CAPS2: variants seen among roughly 807,000 people sequenced by gnomAD.
CAPS2 encodes the protein calcyphosin-2.
A neutral mutation model predicts 86.5 loss-of-function variants in CAPS2; 98 were observed. The ratio of observed to expected loss-of-function variants is 1.13; its 90% CI spans 0.96 to 1.34. The LOEUF (loss-of-function observed/expected upper bound fraction) is 1.34, where lower values mean the gene tolerates loss of function less well. Among genes scored for constraint, CAPS2 ranks in the 40% most tolerant of loss-of-function variants. The pLI is 0.00. For synonymous variants in CAPS2, 210 were observed against 225.1 expected, an observed-to-expected ratio of 0.93 and a Z score of 0.60; for missense variants, 729 against 686.8, an observed-to-expected ratio of 1.06 and a Z score of -0.69.
chr12:75,389,870 CTG>C (rs2045485690), intron 1 of CAPS2, among the ~76,000 whole-genome samples: 1 of 152,180 alleles, frequency 6.6e-6, no homozygotes. Context: ...AAAGCTGGAT[CTG>C]TGTCTTGTCT....
intron 1 of CAPS2, among the ~76,000 whole-genome samples, chr12:75,336,277 A>G (rs2041733031): frequency 6.6e-6 from 1 of 151,900 alleles, no homozygotes; most frequent in African/African-American, 2.4e-5. Flanking sequence ...GGAAAACAGG[A>G]ACAAGGAACA....
Position 75,309,830 on chromosome 12 carries a change from C to T in CAPS2, c.659+3018G>A, listed in dbSNP as rs144744540. On this transcript the variant is annotated intron_variant, in intron 7 of 16. Transcript: ENST00000393284. ...GCTGGCATTTATAAAAAAGTGGCAC[C>T]TATTCTATTCTCACACTTTATTTAT... 2.0e-3 allele frequency among the ~76,000 whole-genome samples: 301 copies of T among 152,224 alleles called. 1 individual carries two copies. Among genetic ancestry groups the T allele is most frequent in the African/African-American group, 6.9e-3 (287 of 41,536 alleles).
chr12:75,354,025 TG>T (rs981370102), intron 1 of CAPS2, among the ~76,000 whole-genome samples: 1 of 152,070 alleles, frequency 6.6e-6, no homozygotes, highest in Admixed American at 6.6e-5. Context: ...GAGAAACCCA[TG>T]GCCAATGTCA....
intron 7 of CAPS2, chr12:75,306,072 C>G (rs894441370): frequency 6.8e-7 from 1 of 1,469,704 alleles, no homozygotes; most frequent in African/African-American, 1.4e-5. Flanking sequence ...GAACGTGCTG[C>G]GCGTCCTGGG....
At chr12:75,324,059 A>G (rs1481493990) in intron 2 of CAPS2, among the ~76,000 whole-genome samples, 1 of 152,250 alleles carries the variant, frequency 6.6e-6, no homozygotes, top group African/African-American at 2.4e-5. Flanking sequence ...TCAACCTAAA[A>G]TTATATCATG....
chr12:75,358,596 C>T (rs1383216254), intron 1 of CAPS2, among the ~76,000 whole-genome samples: 1 of 150,340 alleles, frequency 6.7e-6, no homozygotes, highest in African/African-American at 2.4e-5. Flanking sequence ...TAACATTATG[C>T]CTAATAGTAA....
exon 17 of CAPS2, chr12:75,277,460 A>G: frequency 1.8e-5 from 17 of 922,294 alleles, no homozygotes; most frequent in Non-Finnish European, 2.2e-5. Context: ...AGTGTTATAG[A>G]CTTATTTCTG....
intron 2 of CAPS2, among the ~76,000 whole-genome samples, chr12:75,324,008 A>C (rs764778973): frequency 1.6e-4 from 25 of 152,216 alleles, no homozygotes; most frequent in Non-Finnish European, 3.1e-4. Flanking sequence ...TTCATTTCTG[A>C]AACTTTAACA....
At chr12:75,355,468 A>G (rs916059290) in intron 1 of CAPS2, among the ~76,000 whole-genome samples, 1 of 152,126 alleles carries the variant, frequency 6.6e-6, no homozygotes, top group Non-Finnish European at 1.5e-5. Flanking sequence ...AAGTCCAGAA[A>G]CAACAGATGC....
At chr12:75,277,200 A>G, downstream of CAPS2, 2 of 940,440 alleles carry the variant, frequency 2.1e-6, no homozygotes, top group Non-Finnish European at 2.5e-6. Context: ...ACATTCCAAA[A>G]GTAGCTTCCC....
upstream of CAPS2, among the ~76,000 whole-genome samples, chr12:75,331,141 A>G (rs2041271496): frequency 6.6e-6 from 1 of 152,112 alleles, no homozygotes; most frequent in African/African-American, 2.4e-5. Flanking sequence ...CCTCATCTAT[A>G]AAGGGAAAAA....
chr12:75,292,180 C>T (rs1386587969), intron 12 of CAPS2, among the ~76,000 whole-genome samples: 1 of 152,054 alleles, frequency 6.6e-6, no homozygotes, highest in Non-Finnish European at 1.5e-5. Context: ...GATTCTCTCA[C>T]CTTAGCCTTG....
chr12:75,309,079 G>A (rs753857632), intron 7 of CAPS2, among the ~76,000 whole-genome samples: 12 of 151,982 alleles, frequency 7.9e-5, no homozygotes, highest in Admixed American at 4.6e-4. Flanking sequence ...TGCATATCAC[G>A]CATGTACTTA....
At chr12:75,311,750 A>G (rs1256547685) in intron 7 of CAPS2, among the ~76,000 whole-genome samples, 2 of 141,732 alleles carry the variant, frequency 1.4e-5, no homozygotes, top group Non-Finnish European at 3.1e-5. Context: ...AACCTGCCTC[A>G]AAGAAAATAA....
intron 1 of CAPS2, among the ~76,000 whole-genome samples, chr12:75,365,864 A>C (rs1241110164): frequency 6.6e-6 from 1 of 152,144 alleles, no homozygotes; most frequent in East Asian, 1.9e-4. Flanking sequence ...TGTTTTCATT[A>C]AACCAACAAT....
At chr12:75,329,910 CA>C, upstream of CAPS2, 1 of 1,520,782 alleles carries the variant, frequency 6.6e-7, no homozygotes, top group South Asian at 1.2e-5. Context: ...GCACAAGAGA[CA>C]GTCAGCCTGA....
At chr12:75,330,308 C>A (rs1003760097), upstream of CAPS2, among the ~76,000 whole-genome samples, 1 of 152,230 alleles carries the variant, frequency 6.6e-6, no homozygotes, top group African/African-American at 2.4e-5. Flanking sequence ...GCCGCCGCAG[C>A]CTCCCAGGGA....
chr12:75,342,286 T>C (rs1291585813), intron 1 of CAPS2, among the ~76,000 whole-genome samples: 1 of 152,192 alleles, frequency 6.6e-6, no homozygotes, highest in Non-Finnish European at 1.5e-5. Flanking sequence ...TGTAAAACTG[T>C]TGAAATCTTT....
chr12:75,358,457 G>C (rs560663583), intron 1 of CAPS2, among the ~76,000 whole-genome samples: 4 of 151,246 alleles, frequency 2.6e-5, no homozygotes, highest in Admixed American at 2.0e-4. Context: ...CTGAAAATAA[G>C]AATTATATGA....
Sources: allele counts gnomAD v4.1 joint callset (sites outside exome capture counted in the v4.1 genomes callset), GRCh38; gene constraint gnomAD v4.1.1; transcripts MANE v1.5; gene names NCBI Gene and HGNC (gene_info 2026-07-23, HGNC 2026-07-21).